CSMD3: variants seen among roughly 807,000 people sequenced by gnomAD.
The protein encoded by CSMD3 is CUB and Sushi multiple domains 3, also known as CUB and sushi domain-containing protein 3.
A neutral mutation model predicts 435.2 loss-of-function variants in CSMD3; 177 were observed. The observed-to-expected ratio is 0.41, with a 90% CI of 0.36 to 0.46. CSMD3 has a LOEUF of 0.46. Ranked by LOEUF, CSMD3 falls within the 20% of genes least tolerant of loss-of-function variation. CSMD3 has a pLI of 0.34. For missense variants in CSMD3, 4,265 were observed against 4,504.6 expected, an observed-to-expected ratio of 0.95 and a Z score of 1.52; for synonymous variants, 1,656 against 1,520.5, an observed-to-expected ratio of 1.09 and a Z score of -2.07.
At position 112,764,469 on chromosome 8, in the gene CSMD3, C is replaced by T. The variant is rs185863533; in HGVS notation, c.1972+35693G>A. Among the ~76,000 whole-genome samples, 26 of 151,422 alleles carry T rather than the reference C, an allele frequency of 1.7e-4. No homozygotes were observed. The East Asian group carries it at 4.7e-3, about 27-fold the overall frequency. On this transcript the variant is annotated intron_variant, in intron 13 of 70. Coordinates refer to ENST00000297405, the MANE Select transcript of CSMD3 (RefSeq NM_198123.2). ...AGTAATTGAGTCTAATTTTACCACA[C>T]CTTTAAAATAAAAGGTGTCTTTCAA...
At chr8:113,315,220 T>C (rs554306196) in intron 1 of CSMD3, among the ~76,000 whole-genome samples, 61 of 152,320 alleles carry the variant, frequency 4.0e-4, no homozygotes, top group African/African-American at 1.3e-3. Flanking sequence ...CCATTTTTCT[T>C]GGCAACACAT....
chr8:112,281,887 A>C (rs921477129), intron 58 of CSMD3, among the ~76,000 whole-genome samples: 3 of 152,132 alleles, frequency 2.0e-5, no homozygotes, highest in Admixed American at 2.0e-4. Flanking sequence ...ACCAAAACTA[A>C]ACCGAGTAAA....
chr8:112,409,728 G>C (rs1832170702), intron 32 of CSMD3, among the ~76,000 whole-genome samples: 1 of 151,958 alleles, frequency 6.6e-6, no homozygotes. Context: ...TTATAGATGT[G>C]TCTTTTTCCT....
At chr8:112,945,906 T>C (rs947390780) in intron 9 of CSMD3, among the ~76,000 whole-genome samples, 2 of 151,666 alleles carry the variant, frequency 1.3e-5, no homozygotes, top group Admixed American at 1.3e-4. Flanking sequence ...TCTTCCAATA[T>C]CCACGGGAGT....
intron 5 of CSMD3, among the ~76,000 whole-genome samples, chr8:113,083,143 G>A (rs900605501): frequency 6.6e-6 from 1 of 152,058 alleles, no homozygotes; most frequent in Non-Finnish European, 1.5e-5. Flanking sequence ...TGAATACAAT[G>A]TGCCTTGAAG....
At chr8:112,751,541 T>G (rs2077569951) in intron 13 of CSMD3, among the ~76,000 whole-genome samples, 1 of 152,080 alleles carries the variant, frequency 6.6e-6, no homozygotes, top group East Asian at 1.9e-4. Context: ...TTTCCTTTTC[T>G]TTTTGCAAAT....
chr8:112,727,689 T>C (rs1455857567), intron 13 of CSMD3, among the ~76,000 whole-genome samples: 3 of 151,892 alleles, frequency 2.0e-5, no homozygotes, highest in Non-Finnish European at 4.4e-5. Context: ...CTATCTGTGA[T>C]TTTACAAGTA....
intron 1 of CSMD3, among the ~76,000 whole-genome samples, chr8:113,372,621 C>T (rs1247572386): frequency 6.6e-6 from 1 of 152,090 alleles, no homozygotes; most frequent in Admixed American, 6.6e-5. Flanking sequence ...TTATTTTATA[C>T]CATTCCAAAA....
intron 3 of CSMD3, among the ~76,000 whole-genome samples, chr8:113,198,173 T>C (rs2092679989): frequency 6.6e-6 from 1 of 151,466 alleles, no homozygotes; most frequent in Non-Finnish European, 1.5e-5. Flanking sequence ...GCTTTGCTTT[T>C]TATTAGCTTG....
At chr8:112,449,973 C>T (rs1816079311) in intron 32 of CSMD3, among the ~76,000 whole-genome samples, 1 of 152,162 alleles carries the variant, frequency 6.6e-6, no homozygotes, top group South Asian at 2.1e-4. Flanking sequence ...ATCCACCCGC[C>T]TCAGACTCCC....
intron 16 of CSMD3, among the ~76,000 whole-genome samples, chr8:112,671,895 C>T (rs1330709324): frequency 6.6e-6 from 1 of 151,946 alleles, no homozygotes; most frequent in Non-Finnish European, 1.5e-5. Flanking sequence ...GCTCTAACCC[C>T]ATTTTAAGTG....
chr8:112,957,622 C>A (rs1241550825), intron 7 of CSMD3, among the ~76,000 whole-genome samples: 1 of 151,670 alleles, frequency 6.6e-6, no homozygotes, highest in African/African-American at 2.4e-5. Flanking sequence ...GGCTAATTTT[C>A]GTAGTTATAA....
At chr8:112,285,153 A>C (rs913656381) in intron 58 of CSMD3, among the ~76,000 whole-genome samples, 3 of 152,050 alleles carry the variant, frequency 2.0e-5, no homozygotes, top group African/African-American at 7.2e-5. Context: ...TTTATCCATA[A>C]TATGCATGCT....
chr8:113,256,013 T>C (rs559107028), intron 3 of CSMD3, among the ~76,000 whole-genome samples: 11 of 152,160 alleles, frequency 7.2e-5, no homozygotes, highest in African/African-American at 2.6e-4. Flanking sequence ...CAATTTTCTA[T>C]AGTAAGTACA....
chr8:113,380,208 G>A (rs1258558554), intron 1 of CSMD3, among the ~76,000 whole-genome samples: 1 of 151,920 alleles, frequency 6.6e-6, no homozygotes, highest in East Asian at 1.9e-4. Flanking sequence ...TTCCATTAGA[G>A]TTGTAATTTT....
At position 112,945,897 on chromosome 8, in the gene CSMD3, C is replaced by T. The variant is rs185950152; in HGVS notation, c.1508+1893G>A. Among the ~76,000 whole-genome samples, 1,052 of 151,730 alleles carry T rather than the reference C, an allele frequency of 6.9e-3. 45 individuals carry two copies. The highest frequency in any genetic ancestry group is 0.065 in the Admixed American group (986 of 15,142). ...CCCTGCCGGTGGGACACATATACTT[C>T]TTCCAATATCCACGGGAGTAGGACC... On this transcript the variant is annotated intron_variant, in intron 9 of 70. Transcript: ENST00000297405.
At chr8:112,978,971 T>C (rs1172839264) in intron 6 of CSMD3, among the ~76,000 whole-genome samples, 1 of 151,890 alleles carries the variant, frequency 6.6e-6, no homozygotes, top group Admixed American at 6.6e-5. Flanking sequence ...TGGAATATGA[T>C]TATAATTGTT....
intron 10 of CSMD3, among the ~76,000 whole-genome samples, chr8:112,883,829 T>C (rs4876298): frequency 0.75 from 113,734 of 151,748 alleles, 43,430 homozygotes; most frequent in East Asian, 0.93. Flanking sequence ...AATTAATATT[T>C]TGCCAATTGT....
At position 112,706,919 on chromosome 8, in the gene CSMD3, G is replaced by A. The variant is rs563308574; in HGVS notation, c.1973-16869C>T. On this transcript the variant is annotated intron_variant, in intron 13 of 70. Transcript: ENST00000297405. ...TCTTTTTATAAAAAGATTCAACATG[G>A]CATTGTTCACTTGCAACCTTACTTA... Among the ~76,000 whole-genome samples the A allele has an allele frequency of 5.9e-5, 9 of 152,116 alleles. No individual in the cohort carries two copies. The Middle Eastern group carries it at 0.014, about 230-fold the overall frequency.
Sources: gnomAD v4.1 joint callset for allele counts (sites outside exome capture counted in the v4.1 genomes callset) on GRCh38, gnomAD v4.1.1 for gene constraint, MANE v1.5 for transcripts, NCBI Gene and HGNC (gene_info 2026-07-23, HGNC 2026-07-21) for gene names.